RAB30: variants seen among roughly 807,000 people sequenced by gnomAD.
RAB30 encodes RAB30, member RAS oncogene family.
A neutral mutation model predicts 25.1 loss-of-function variants in RAB30; 9 were observed. The observed-to-expected ratio is 0.36, with a 90% CI of 0.22 to 0.63. The LOEUF is 0.63. Ranked by LOEUF, RAB30 falls within the 20% of genes least tolerant of loss-of-function variation. RAB30 has a pLI of 0.69. For missense variants in RAB30, 140 were observed against 243.5 expected, an observed-to-expected ratio of 0.58 and a Z score of 2.83; for synonymous variants, 77 against 86.4, an observed-to-expected ratio of 0.89 and a Z score of 0.60.
rs116840426 is a variant in RAB30 at position 82,993,955 on chromosome 11, A to C, written c.177+84T>G. On this transcript the variant is annotated intron_variant, in intron 3 of 4. Coordinates refer to ENST00000527633, the MANE Select transcript of RAB30 (RefSeq NM_001286060.2). Reference sequence around the variant, plus strand: ...TTTCCATGTGGGTTTCAATTAGGAGATTTAATAAATGGTTATGAAAGCAGT... The same window carrying C: ...TTTCCATGTGGGTTTCAATTAGGAGCTTTAATAAATGGTTATGAAAGCAGT... 3,302 of 1,095,444 alleles carry C rather than the reference A, an allele frequency of 3.0e-3. 84 individuals carry two copies. In the African/African-American group the frequency reaches 0.047, roughly 16 times the overall value. 67.9% of individuals were successfully genotyped at this position (1,095,444 alleles called of 1,614,324 possible). A position where few individuals can be genotyped will look rare whatever the true frequency, so the allele number is the denominator to read the frequency against.
Position 82,975,360 on chromosome 11 carries a change from C to G in RAB30, c.*6805G>C, listed in dbSNP as rs1418139850. On this transcript the variant is annotated 3_prime_UTR_variant, in exon 5 of 5. Transcript: ENST00000527633. ...TTTAATCCAGGCATAAATGTGTAACCTTAAACAAAAACTGTGCATTATTCA... is the reference window on the plus strand; with the variant it reads ...TTTAATCCAGGCATAAATGTGTAACGTTAAACAAAAACTGTGCATTATTCA... The G allele has an allele frequency of 6.6e-6, 1 of 152,098 alleles. No homozygotes were observed. Among genetic ancestry groups the G allele is most frequent in the Admixed American group, 6.5e-5 (1 of 15,276 alleles). The allele number at this position is 152,098 out of a possible 1,614,324, so 9.4% of individuals were successfully genotyped here.
At chr11:83,035,228 C>A (rs1250808566) in intron 1 of RAB30, 3 of 152,116 alleles carry the variant, frequency 2.0e-5, no homozygotes, top group African/African-American at 4.8e-5. Context: ...CTCATCCTAA[C>A]AGCATTCAGA....
chr11:83,013,012 T>C (rs1857337199), intron 1 of RAB30, among the ~76,000 whole-genome samples: 1 of 152,192 alleles, frequency 6.6e-6, no homozygotes, highest in African/African-American at 2.4e-5. Flanking sequence ...AATTGGTCAC[T>C]CTCTACTTTG....
At chr11:83,024,343 C>A (rs760320859) in intron 1 of RAB30, among the ~76,000 whole-genome samples, 2 of 152,232 alleles carry the variant, frequency 1.3e-5, no homozygotes, top group Non-Finnish European at 2.9e-5. Context: ...CCCCACCCAT[C>A]TACATGCCAA....
At chr11:83,066,539 G>A (rs535094127) in intron 1 of RAB30, among the ~76,000 whole-genome samples, 1 of 151,982 alleles carries the variant, frequency 6.6e-6, no homozygotes. Flanking sequence ...CTCAAAAGCT[G>A]AAAGTGTCAA....
chr11:83,034,934 A>G (rs1007644967), intron 1 of RAB30, among the ~76,000 whole-genome samples: 1 of 152,134 alleles, frequency 6.6e-6, no homozygotes, highest in African/African-American at 2.4e-5. Flanking sequence ...GCAGAAAAAA[A>G]TAAAAAGAAA....
chr11:83,069,674 C>T (rs1257416439), intron 1 of RAB30, among the ~76,000 whole-genome samples: 1 of 152,204 alleles, frequency 6.6e-6, no homozygotes, highest in East Asian at 1.9e-4. Context: ...TTGAAGACTA[C>T]TTATTCCTTG....
chr11:83,069,586 G>C (rs1433026043), intron 1 of RAB30, among the ~76,000 whole-genome samples: 1 of 152,078 alleles, frequency 6.6e-6, no homozygotes, highest in Non-Finnish European at 1.5e-5. Flanking sequence ...GAAGAAAGAG[G>C]GGGGAAAGAT....
At position 83,071,839 on chromosome 11, in the gene RAB30, G is replaced by A. The variant is rs1858855627; in HGVS notation, c.-157C>T. 2.8e-6 allele frequency: 1 copy of A among 360,986 alleles called. No individual in the cohort carries two copies. Among genetic ancestry groups the A allele is most frequent in the East Asian group, 4.1e-5 (1 of 24,286 alleles). The allele number at this position is 360,986 out of a possible 1,614,324, so 22.4% of individuals were successfully genotyped here. On this transcript the variant is annotated 5_prime_UTR_variant, in exon 1 of 5. Transcript: ENST00000527633. Reference sequence around the variant, plus strand: ...TGCTGCTGCTACACTTAGCTCAGCTGGAGCGAGCGGCAATCGCAAGCCCAG... The same window carrying A: ...TGCTGCTGCTACACTTAGCTCAGCTAGAGCGAGCGGCAATCGCAAGCCCAG...
intron 1 of RAB30, among the ~76,000 whole-genome samples, chr11:83,069,286 A>G (rs1858777541): frequency 6.6e-6 from 1 of 152,216 alleles, no homozygotes. Flanking sequence ...GATGGTGCAT[A>G]AAAGGTCTAA....
At chr11:83,069,465 G>A (rs544568804) in intron 1 of RAB30, among the ~76,000 whole-genome samples, 2 of 152,268 alleles carry the variant, frequency 1.3e-5, no homozygotes, top group South Asian at 2.1e-4. Flanking sequence ...CTGCACAGAG[G>A]AGAAGAAACA....
At chr11:83,017,010 G>T (rs1185783893) in intron 1 of RAB30, among the ~76,000 whole-genome samples, 1 of 152,120 alleles carries the variant, frequency 6.6e-6, no homozygotes, top group Non-Finnish European at 1.5e-5. Context: ...AATGTAAGTG[G>T]AAAAACTTGA....
chr11:82,991,057 G>A (rs1856840257), intron 3 of RAB30, among the ~76,000 whole-genome samples: 1 of 152,146 alleles, frequency 6.6e-6, no homozygotes, highest in Non-Finnish European at 1.5e-5. Flanking sequence ...TGTCAGGAGA[G>A]TGGTCCTGCC....
intron 1 of RAB30, among the ~76,000 whole-genome samples, chr11:83,014,210 A>G (rs1857364810): frequency 6.6e-6 from 1 of 152,232 alleles, no homozygotes; most frequent in African/African-American, 2.4e-5. Flanking sequence ...TAGCTGTCAC[A>G]GAAGTTCTCT....
intron 1 of RAB30, among the ~76,000 whole-genome samples, chr11:83,044,773 T>C (rs905371300): frequency 2.6e-5 from 4 of 152,212 alleles, no homozygotes; most frequent in African/African-American, 9.6e-5. Context: ...TCATTTTTCT[T>C]ACAGAATTCC....
chr11:83,068,841 G>A (rs1858766846), intron 1 of RAB30, among the ~76,000 whole-genome samples: 1 of 152,268 alleles, frequency 6.6e-6, no homozygotes, highest in Admixed American at 6.5e-5. Context: ...CCCTAGACAA[G>A]GGGAAAGTAC....
chr11:83,040,452 G>A (rs1379525585), intron 1 of RAB30, among the ~76,000 whole-genome samples: 3 of 152,128 alleles, frequency 2.0e-5, no homozygotes, highest in Non-Finnish European at 4.4e-5. Flanking sequence ...TTAGCTGGGT[G>A]TGGCGGTGGA....
rs79879808 is a variant in RAB30 at position 82,992,507 on chromosome 11, T to C, written c.177+1532A>G. 2,814 of 405,304 alleles carry C rather than the reference T, an allele frequency of 6.9e-3. 84 individuals carry two copies. Among genetic ancestry groups the C allele is most frequent in the African/African-American group, 0.054 (2,629 of 48,670 alleles). 25.1% of individuals were successfully genotyped at this position (405,304 alleles called of 1,614,324 possible). On this transcript the variant is annotated intron_variant, in intron 3 of 4. Transcript: ENST00000527633. Reference sequence around the variant, plus strand: ...ATCTAGAAAATGCTGAAGAGCATTATGGAGCTTCTCTGCTCTTCCCAAGGC... The same window carrying C: ...ATCTAGAAAATGCTGAAGAGCATTACGGAGCTTCTCTGCTCTTCCCAAGGC...
chr11:83,056,123 T>C (rs776844051), intron 1 of RAB30, among the ~76,000 whole-genome samples: 2 of 152,240 alleles, frequency 1.3e-5, no homozygotes, highest in Non-Finnish European at 1.5e-5. Context: ...AGCCAATCTA[T>C]AGAACTTTTT....
Sources: allele counts gnomAD v4.1 joint callset (sites outside exome capture counted in the v4.1 genomes callset), GRCh38; gene constraint gnomAD v4.1.1; transcripts MANE v1.5; gene names NCBI Gene and HGNC (gene_info 2026-07-23, HGNC 2026-07-21).